Variants in CDH12 observed in about 807,000 individuals in gnomAD.
CDH12 encodes the protein cadherin 12.
In CDH12, 41 loss-of-function variants were observed where a neutral mutation model predicts 74.1. The ratio of observed to expected loss-of-function variants is 0.55; its 90% CI spans 0.43 to 0.72. CDH12 has a LOEUF of 0.72. Among genes scored for constraint, CDH12 ranks in the 30% least tolerant of loss-of-function variants. The pLI is 0.00. For missense variants in CDH12, 945 were observed against 977.2 expected (o/e 0.97, Z 0.44); for synonymous variants, 399 against 355.0 (o/e 1.12, Z -1.39).
chr5:22,781,762 T>C lies in CDH12; in HGVS notation c.-523+71296A>G, dbSNP rs548860886. On this transcript the variant is annotated intron_variant, in intron 1 of 14. Transcript: ENST00000382254. ...TGGTGAGGGGAGGGATCCAAGCTTC[T>C]AGGGATACTATTGAATAGCAGACAA... Among the ~76,000 whole-genome samples the C allele has an allele frequency of 2.0e-5, 3 of 152,216 alleles. No individual in the cohort carries two copies. The East Asian group carries it at 5.8e-4, about 30-fold the overall frequency.
intron 5 of CDH12, among the ~76,000 whole-genome samples, chr5:22,068,310 C>T (rs1378761429): frequency 6.6e-6 from 1 of 152,208 alleles, no homozygotes; most frequent in African/African-American, 2.4e-5. Context: ...TCATCACGTG[C>T]TCCCTATCAG....
intron 4 of CDH12, among the ~76,000 whole-genome samples, chr5:22,152,900 A>G (rs1360917088): frequency 1.3e-5 from 2 of 152,172 alleles, no homozygotes; most frequent in African/African-American, 4.8e-5. Flanking sequence ...CACTTAACGT[A>G]ACGTCCTCTA....
intron 5 of CDH12, among the ~76,000 whole-genome samples, chr5:21,994,585 T>C (rs1398539250): frequency 6.6e-6 from 1 of 152,164 alleles, no homozygotes; most frequent in Non-Finnish European, 1.5e-5. Context: ...AGAGGTAACC[T>C]GGGAAGAGAA....
At chr5:22,386,711 A>T (rs896135371) in intron 3 of CDH12, among the ~76,000 whole-genome samples, 2 of 152,058 alleles carry the variant, frequency 1.3e-5, no homozygotes, top group Non-Finnish European at 2.9e-5. Flanking sequence ...TGCATGAAAG[A>T]TGAATATTTT....
At chr5:22,670,347 C>G (rs190844275) in intron 1 of CDH12, among the ~76,000 whole-genome samples, 3 of 151,920 alleles carry the variant, frequency 2.0e-5, no homozygotes, top group Non-Finnish European at 4.4e-5. Flanking sequence ...CTGTTTTCAT[C>G]GGAATAAGAT....
At chr5:22,680,925 T>C (rs771772172) in intron 1 of CDH12, among the ~76,000 whole-genome samples, 4 of 152,058 alleles carry the variant, frequency 2.6e-5, no homozygotes, top group Non-Finnish European at 4.4e-5. Flanking sequence ...ATTTTAACAC[T>C]CTGATATTTA....
chr5:21,883,497 C>T, intron 6 of CDH12: 1 of 1,612,898 alleles, frequency 6.2e-7, no homozygotes, highest in Non-Finnish European at 8.5e-7. Context: ...AGTCAAGGCT[C>T]CAGGGTTTGG....
intron 1 of CDH12, among the ~76,000 whole-genome samples, chr5:22,679,472 A>G (rs950451250): frequency 1.3e-5 from 2 of 152,128 alleles, no homozygotes; most frequent in Non-Finnish European, 2.9e-5. Flanking sequence ...TTAATTAGAA[A>G]GAAAAAAAAT....
intron 4 of CDH12, among the ~76,000 whole-genome samples, chr5:22,129,557 G>C (rs1429385242): frequency 6.6e-6 from 1 of 152,120 alleles, no homozygotes; most frequent in African/African-American, 2.4e-5. Context: ...GACAAAAAGT[G>C]CATGTTGAAA....
chr5:22,732,363 T>C (rs1204460584), intron 1 of CDH12, among the ~76,000 whole-genome samples: 1 of 151,738 alleles, frequency 6.6e-6, no homozygotes, highest in Non-Finnish European at 1.5e-5. Flanking sequence ...TGTCCAAATA[T>C]TGTCACATTC....
At chr5:22,009,925 C>A (rs1350304480) in intron 5 of CDH12, among the ~76,000 whole-genome samples, 1 of 108,900 alleles carries the variant, frequency 9.2e-6, no homozygotes, top group South Asian at 2.6e-4. Flanking sequence ...TTGCAGTGAG[C>A]CAAGAAACTG....
intron 2 of CDH12, among the ~76,000 whole-genome samples, chr5:22,406,182 T>A (rs920799048): frequency 6.6e-6 from 1 of 152,210 alleles, no homozygotes; most frequent in African/African-American, 2.4e-5. Context: ...ACTCGCTTTT[T>A]AACTTTAATC....
chr5:22,760,632 T>C (rs574767324), intron 1 of CDH12, among the ~76,000 whole-genome samples: 25 of 121,520 alleles, frequency 2.1e-4, no homozygotes, highest in African/African-American at 8.2e-4. Flanking sequence ...TGAGCTGAGA[T>C]CATGTCATTG....
intron 3 of CDH12, among the ~76,000 whole-genome samples, chr5:22,403,691 C>A (rs1742824320): frequency 6.6e-6 from 1 of 152,130 alleles, no homozygotes; most frequent in East Asian, 1.9e-4. Context: ...ATGTGAAGAC[C>A]AAGAAGCCGG....
At chr5:22,248,523 T>C (rs941079502) in intron 3 of CDH12, among the ~76,000 whole-genome samples, 24 of 152,160 alleles carry the variant, frequency 1.6e-4, no homozygotes, top group African/African-American at 5.8e-4. Flanking sequence ...TGTGCATAAA[T>C]ACATGCTAAA....
chr5:22,494,612 C>G lies in CDH12; in HGVS notation c.-428+10658G>C, dbSNP rs909167231. The stretch of plus-strand genomic sequence containing the variant: ...CCAGGAACTTACATCTTGTTTATAT[C>G]AAGTAGCGTATGGTAAAACTGGTTT... On this transcript the variant is annotated intron_variant, in intron 2 of 14. Coordinates refer to ENST00000382254, the MANE Select transcript of CDH12 (RefSeq NM_004061.5). Among the ~76,000 whole-genome samples the G allele has an allele frequency of 2.0e-5, 3 of 152,254 alleles. 1 individual carries two copies. In the South Asian group the frequency reaches 6.2e-4, roughly 32 times the overall value.
intron 1 of CDH12, among the ~76,000 whole-genome samples, chr5:22,767,233 A>C (rs1024815906): frequency 7.2e-5 from 11 of 152,038 alleles, no homozygotes; most frequent in Non-Finnish European, 1.3e-4. Flanking sequence ...AAAAAGGCAA[A>C]ATGAAAACCC....
At chr5:22,671,725 A>G (rs1482595662) in intron 1 of CDH12, among the ~76,000 whole-genome samples, 1 of 152,082 alleles carries the variant, frequency 6.6e-6, no homozygotes, top group Non-Finnish European at 1.5e-5. Context: ...CCATGCAGCC[A>G]CATCAACATA....
At chr5:22,498,909 T>C (rs1484328201) in intron 2 of CDH12, among the ~76,000 whole-genome samples, 1 of 139,898 alleles carries the variant, frequency 7.1e-6, no homozygotes, top group Non-Finnish European at 1.5e-5. Context: ...TTCTTTTTTT[T>C]TTTTTTTTTT....
Sources: allele counts gnomAD v4.1 joint callset (sites outside exome capture counted in the v4.1 genomes callset), GRCh38; gene constraint gnomAD v4.1.1; transcripts MANE v1.5; gene names NCBI Gene and HGNC (gene_info 2026-07-23, HGNC 2026-07-21).